Variants in VWC2L observed in about 807,000 individuals in gnomAD.
VWC2L encodes von Willebrand factor C domain containing 2 like, also known as von Willebrand factor C domain-containing protein 2-like.
VWC2L carries 10 observed loss-of-function variants against 21.6 expected under a neutral mutation model. That is an observed-to-expected ratio of 0.46 (90% CI 0.29 to 0.78). The LOEUF (loss-of-function observed/expected upper bound fraction) is 0.78. Among genes scored for constraint, VWC2L ranks in the 30% least tolerant of loss-of-function variants. The probability of loss-of-function intolerance (pLI) is 0.10; values close to 1 mark genes in which losing one functional copy is unlikely to be tolerated. For missense variants in VWC2L, 209 were observed against 277.1 expected, an observed-to-expected ratio of 0.75 and a Z score of 1.74; for synonymous variants, 96 against 94.3, an observed-to-expected ratio of 1.02 and a Z score of -0.10.
chr2:214,445,897 C>T (rs1702830860), intron 3 of VWC2L, among the ~76,000 whole-genome samples: 2 of 152,092 alleles, frequency 1.3e-5, no homozygotes, highest in African/African-American at 2.4e-5. Context: ...AATTAACCAA[C>T]TAATAATTTC....
At chr2:214,503,695 T>C (rs1688927004) in intron 3 of VWC2L, among the ~76,000 whole-genome samples, 1 of 138,936 alleles carries the variant, frequency 7.2e-6, no homozygotes, top group Admixed American at 7.3e-5. Context: ...ATGTACACAA[T>C]CAGAATAAAA....
intron 3 of VWC2L, among the ~76,000 whole-genome samples, chr2:214,520,263 G>T (rs1166341205): frequency 6.6e-6 from 1 of 151,942 alleles, no homozygotes; most frequent in Non-Finnish European, 1.5e-5. Flanking sequence ...GAATCCTGGG[G>T]GTTTGCATCA....
chr2:214,503,840 T>C (rs918750260), intron 3 of VWC2L, among the ~76,000 whole-genome samples: 1 of 152,214 alleles, frequency 6.6e-6, no homozygotes, highest in Non-Finnish European at 1.5e-5. Flanking sequence ...TTTTCTGTCC[T>C]AATTGATTTA....
chr2:214,523,599 G>T (rs1689279115), intron 3 of VWC2L, among the ~76,000 whole-genome samples: 1 of 152,158 alleles, frequency 6.6e-6, no homozygotes, highest in Non-Finnish European at 1.5e-5. Flanking sequence ...AGCACTTTGG[G>T]TGACCAAGGC....
intron 3 of VWC2L, among the ~76,000 whole-genome samples, chr2:214,530,064 G>C (rs1689409228): frequency 6.6e-6 from 1 of 152,162 alleles, no homozygotes. Flanking sequence ...AAAGTCATGA[G>C]AATTACAGTA....
chr2:214,562,726 C>A (rs1361139320), intron 3 of VWC2L, among the ~76,000 whole-genome samples: 1 of 152,180 alleles, frequency 6.6e-6, no homozygotes, highest in Non-Finnish European at 1.5e-5. Context: ...ACTTGCATTT[C>A]TTTAACTATC....
chr2:214,567,670 C>CTATCAAA (rs977162453), intron 3 of VWC2L, among the ~76,000 whole-genome samples: 1 of 151,694 alleles, frequency 6.6e-6, no homozygotes, highest in African/African-American at 2.4e-5. Flanking sequence ...ATCCCAGGTG[C>CTATCAAA]TATCAAAACT....
At chr2:214,450,990 T>C (rs1702945108) in intron 3 of VWC2L, among the ~76,000 whole-genome samples, 1 of 152,100 alleles carries the variant, frequency 6.6e-6, no homozygotes, top group South Asian at 2.1e-4. Context: ...AATAAGTAAA[T>C]TGCCCTTAGA....
intron 3 of VWC2L, among the ~76,000 whole-genome samples, chr2:214,516,380 T>C (rs1689143595): frequency 1.3e-5 from 2 of 152,230 alleles, no homozygotes; most frequent in African/African-American, 4.8e-5. Flanking sequence ...CAGGAGCTGC[T>C]ATGAGGCTCC....
intron 2 of VWC2L, among the ~76,000 whole-genome samples, chr2:214,426,280 C>CGTTT (rs1353924930): frequency 1.3e-5 from 2 of 150,432 alleles, no homozygotes; most frequent in African/African-American, 4.9e-5. Context: ...AAAATTGGAA[C>CGTTT]GTTTGCAAAC....
chr2:214,473,822 T>G, intron 3 of VWC2L: 1 of 151,834 alleles, frequency 6.6e-6, no homozygotes, highest in Middle Eastern at 3.2e-3. Context: ...AATAAAAATG[T>G]TTTATAGGGG....
At chr2:214,496,235 T>C (rs1230058985) in intron 3 of VWC2L, among the ~76,000 whole-genome samples, 1 of 94,060 alleles carries the variant, frequency 1.1e-5, no homozygotes, top group Non-Finnish European at 2.5e-5. Context: ...CAAAATAAGG[T>C]ATTACAATCT....
At chr2:214,436,957 G>A (rs1702687794) in intron 3 of VWC2L, among the ~76,000 whole-genome samples, 199 bp downstream of exon 3, 1 of 152,062 alleles carries the variant, frequency 6.6e-6, no homozygotes, top group Non-Finnish European at 1.5e-5. Context: ...TTCCATCTGG[G>A]GAATTAAAGC....
intron 3 of VWC2L, among the ~76,000 whole-genome samples, chr2:214,439,475 A>G (rs1702730418): frequency 6.6e-6 from 1 of 152,010 alleles, no homozygotes; most frequent in Admixed American, 6.6e-5. Flanking sequence ...GATTCAAGGT[A>G]GATGCAACTA....
At chr2:214,575,626 A>T (rs547895759) in intron 3 of VWC2L, 46 bp from the exon 4 acceptor site, 2 of 1,600,330 alleles carry the variant, frequency 1.2e-6, no homozygotes, top group South Asian at 2.2e-5. Context: ...GGAGAAAGGG[A>T]GCCTCTCAGA....
intron 3 of VWC2L, among the ~76,000 whole-genome samples, chr2:214,501,721 CAAAAAAAA>C (rs776608301): frequency 1.5e-4 from 12 of 79,108 alleles, no homozygotes; most frequent in African/African-American, 5.4e-4. Flanking sequence ...GACTCTGTCT[CAAAAAAAA>C]AAAAAAAAAA....
At chr2:214,481,556 G>T (rs1688604096) in intron 3 of VWC2L, among the ~76,000 whole-genome samples, 1 of 152,126 alleles carries the variant, frequency 6.6e-6, no homozygotes, top group Non-Finnish European at 1.5e-5. Flanking sequence ...CTATGAGAAA[G>T]AACTAATCAT....
chr2:214,552,795 G>A (rs1422253970), intron 3 of VWC2L, among the ~76,000 whole-genome samples: 2 of 152,096 alleles, frequency 1.3e-5, no homozygotes, highest in African/African-American at 4.8e-5. Context: ...TGCCTCAAGA[G>A]CAAATATTTC....
chr2:214,442,762 A>T (rs1414704656), intron 3 of VWC2L, among the ~76,000 whole-genome samples: 1 of 152,118 alleles, frequency 6.6e-6, no homozygotes, highest in Non-Finnish European at 1.5e-5. Context: ...AATGGTATAT[A>T]AATTGATACA....
Sources: gnomAD v4.1 joint callset for allele counts (sites outside exome capture counted in the v4.1 genomes callset) on GRCh38, gnomAD v4.1.1 for gene constraint, MANE v1.5 for transcripts, NCBI Gene and HGNC (gene_info 2026-07-23, HGNC 2026-07-21) for gene names.